Variants in SPAG16 observed in about 807,000 individuals in gnomAD.
SPAG16 encodes the protein sperm associated antigen 16.
SPAG16 carries 86 observed loss-of-function variants against 80.4 expected under a neutral mutation model. The ratio of observed to expected loss-of-function variants is 1.07; its 90% CI spans 0.90 to 1.28. The LOEUF is 1.28. SPAG16 is among the 50% of genes most tolerant of loss of function. The pLI is 0.00. For synonymous variants in SPAG16, 294 were observed against 265.9 expected (o/e 1.11, Z -1.03); for missense variants, 870 against 765.3 (o/e 1.14, Z -1.61).
intron 15 of SPAG16, among the ~76,000 whole-genome samples, chr2:214,361,607 A>C (rs1314366692): frequency 2.0e-5 from 3 of 151,864 alleles, no homozygotes; most frequent in African/African-American, 4.8e-5. Flanking sequence ...AGTTTATTTT[A>C]GTAGAGATGG....
At chr2:213,901,195 T>C (rs1433134167) in intron 11 of SPAG16, among the ~76,000 whole-genome samples, 1 of 152,208 alleles carries the variant, frequency 6.6e-6, no homozygotes, top group Non-Finnish European at 1.5e-5. Flanking sequence ...CATTAATTAA[T>C]AAAAGCCAAG....
intron 15 of SPAG16, among the ~76,000 whole-genome samples, chr2:214,367,752 T>C (rs187150968): frequency 8.7e-4 from 133 of 152,250 alleles, no homozygotes; most frequent in African/African-American, 2.9e-3. Context: ...CTACCACTTG[T>C]CCAGTGTGAC....
intron 15 of SPAG16, among the ~76,000 whole-genome samples, chr2:214,338,898 T>G (rs977744578): frequency 2.6e-5 from 4 of 152,224 alleles, no homozygotes; most frequent in Non-Finnish European, 5.9e-5. Flanking sequence ...ACTAAAGTAG[T>G]TACATCAGCT....
intron 10 of SPAG16, among the ~76,000 whole-genome samples, chr2:213,596,911 G>A (rs1177624473): frequency 6.6e-6 from 1 of 152,056 alleles, no homozygotes; most frequent in East Asian, 1.9e-4. Context: ...TATAGGGTCA[G>A]TTATACAAAC....
intron 12 of SPAG16, among the ~76,000 whole-genome samples, chr2:213,946,203 C>T (rs1309309627): frequency 6.6e-6 from 1 of 152,084 alleles, no homozygotes; most frequent in Non-Finnish European, 1.5e-5. Flanking sequence ...CAACCTCTGC[C>T]TCCCGGGTTC....
chr2:214,108,464 C>A (rs1183038236), intron 14 of SPAG16, among the ~76,000 whole-genome samples: 5 of 99,178 alleles, frequency 5.0e-5, no homozygotes, highest in East Asian at 5.4e-4. Context: ...CACACACACA[C>A]ACACACACAC....
At chr2:213,938,711 A>G (rs2079084803) in intron 12 of SPAG16, among the ~76,000 whole-genome samples, 2 of 152,018 alleles carry the variant, frequency 1.3e-5, no homozygotes, top group South Asian at 2.1e-4. Context: ...TCAAATGTCC[A>G]AGGACATCAA....
intron 5 of SPAG16, among the ~76,000 whole-genome samples, chr2:213,325,624 G>A (rs1206479728): frequency 3.4e-5 from 5 of 148,980 alleles, no homozygotes; most frequent in Non-Finnish European, 7.5e-5. Context: ...AAAAATATGT[G>A]TGTGTGTGTG....
At chr2:214,049,669 T>C (rs1345705025) in intron 13 of SPAG16, among the ~76,000 whole-genome samples, 1 of 152,204 alleles carries the variant, frequency 6.6e-6, no homozygotes, top group Admixed American at 6.5e-5. Flanking sequence ...TTCAGTGGGC[T>C]CCATGGCAGA....
intron 10 of SPAG16, among the ~76,000 whole-genome samples, chr2:213,779,489 T>C (rs2069810941): frequency 6.6e-6 from 1 of 152,212 alleles, no homozygotes; most frequent in Non-Finnish European, 1.5e-5. Flanking sequence ...TATATTTTGG[T>C]TTTGTTATTC....
At chr2:213,357,004 G>A (rs1476200395) in intron 7 of SPAG16, among the ~76,000 whole-genome samples, 1 of 151,938 alleles carries the variant, frequency 6.6e-6, no homozygotes, top group East Asian at 1.9e-4. Flanking sequence ...ATTTCGTTAT[G>A]TACCCAGTAG....
intron 3 of SPAG16, among the ~76,000 whole-genome samples, chr2:213,299,023 T>C (rs1244751644): frequency 6.6e-6 from 1 of 152,184 alleles, no homozygotes; most frequent in Non-Finnish European, 1.5e-5. Flanking sequence ...GGGCTTTCTC[T>C]TTTAAAGAAT....
At chr2:213,309,849 A>G (rs2063110224) in intron 3 of SPAG16, among the ~76,000 whole-genome samples, 1 of 151,904 alleles carries the variant, frequency 6.6e-6, no homozygotes, top group Non-Finnish European at 1.5e-5. Flanking sequence ...GTCTCCATCC[A>G]CTTGACTAAT....
At chr2:213,820,703 T>A (rs550424582) in intron 10 of SPAG16, among the ~76,000 whole-genome samples, 5 of 152,176 alleles carry the variant, frequency 3.3e-5, no homozygotes, top group African/African-American at 1.2e-4. Flanking sequence ...TTCTATCCCA[T>A]CAGAGATATA....
At chr2:214,340,013 T>A (rs1576822753) in intron 15 of SPAG16, among the ~76,000 whole-genome samples, 1 of 152,264 alleles carries the variant, frequency 6.6e-6, no homozygotes, top group African/African-American at 2.4e-5. Context: ...AACTGCAAGA[T>A]AATAAATATG....
chr2:214,157,746 A>G (rs1261321394), intron 15 of SPAG16, among the ~76,000 whole-genome samples: 1 of 152,158 alleles, frequency 6.6e-6, no homozygotes, highest in African/African-American at 2.4e-5. Context: ...ATAGATTAAT[A>G]TAAATTAAAG....
intron 10 of SPAG16, among the ~76,000 whole-genome samples, chr2:213,705,216 C>G (rs1207516447): frequency 1.3e-5 from 2 of 151,766 alleles, no homozygotes; most frequent in African/African-American, 4.8e-5. Context: ...CCACTGCGCT[C>G]CAGCCTGGGC....
chr2:213,387,173 T>G (rs536151235), intron 9 of SPAG16, among the ~76,000 whole-genome samples: 94 of 152,092 alleles, frequency 6.2e-4, no homozygotes, highest in African/African-American at 2.0e-3. Flanking sequence ...TCCAAATTCA[T>G]TACTTTAATG....
At chr2:213,360,651 T>A (rs2065928202) in intron 7 of SPAG16, among the ~76,000 whole-genome samples, 1 of 152,234 alleles carries the variant, frequency 6.6e-6, no homozygotes, top group Non-Finnish European at 1.5e-5. Flanking sequence ...TAATCAGGTA[T>A]ATCCTGGGTG....
Sources: gnomAD v4.1 joint callset for allele counts (sites outside exome capture counted in the v4.1 genomes callset) on GRCh38, gnomAD v4.1.1 for gene constraint, MANE v1.5 for transcripts, NCBI Gene and HGNC (gene_info 2026-07-23, HGNC 2026-07-21) for gene names.